Variants in MAPKAP1 observed in about 807,000 individuals in gnomAD.
The protein encoded by MAPKAP1 is target of rapamycin complex 2 subunit MAPKAP1.
In MAPKAP1, 20 loss-of-function variants were observed where a neutral mutation model predicts 65.7. The ratio of observed to expected loss-of-function variants is 0.30; its 90% CI spans 0.21 to 0.44. The LOEUF (loss-of-function observed/expected upper bound fraction) is 0.44. Among genes scored for constraint, MAPKAP1 ranks in the 20% least tolerant of loss-of-function variants. MAPKAP1 has a pLI of 1.00. For missense variants in MAPKAP1, 423 were observed against 648.0 expected, an observed-to-expected ratio of 0.65 and a Z score of 3.77; for synonymous variants, 222 against 244.3, an observed-to-expected ratio of 0.91 and a Z score of 0.85.
rs1266178238 is a variant in MAPKAP1, at chr9:125,621,967, C to T, written c.498+35684G>A. Among the ~76,000 whole-genome samples, 3 of 152,256 alleles carry T rather than the reference C, an allele frequency of 2.0e-5. No homozygotes were observed. In the East Asian group the frequency reaches 5.8e-4, roughly 29 times the overall value. The stretch of plus-strand genomic sequence containing the variant: ...TATTGTCATATAAAAGAATGGAAGC[C>T]TGTCATCATCACTGGCAACATGGAT... On this transcript the variant is annotated intron_variant, in intron 4 of 11. Transcript: ENST00000265960.
chr9:125,576,131 A>C (rs1231824568), intron 5 of MAPKAP1, among the ~76,000 whole-genome samples: 1 of 152,232 alleles, frequency 6.6e-6, no homozygotes, highest in Non-Finnish European at 1.5e-5. Flanking sequence ...GTAAAATGCA[A>C]TACTACAGAG....
intron 5 of MAPKAP1, among the ~76,000 whole-genome samples, chr9:125,582,876 G>A (rs1831666668): frequency 6.6e-6 from 1 of 152,172 alleles, no homozygotes; most frequent in South Asian, 2.1e-4. Flanking sequence ...CAGCTAGATG[G>A]ATGAGACTGT....
At chr9:125,466,235 T>A (rs1209341572) in intron 10 of MAPKAP1, among the ~76,000 whole-genome samples, 1 of 152,158 alleles carries the variant, frequency 6.6e-6, no homozygotes, top group African/African-American at 2.4e-5. Flanking sequence ...AGAGTTCCTT[T>A]GGTTCAAGGG....
At chr9:125,550,685 C>T (rs1830559220) in intron 6 of MAPKAP1, among the ~76,000 whole-genome samples, 1 of 152,168 alleles carries the variant, frequency 6.6e-6, no homozygotes, top group Non-Finnish European at 1.5e-5. Context: ...CCTTTCTTTT[C>T]TCTAGACAGT....
At chr9:125,649,395 T>G (rs1833826348) in intron 4 of MAPKAP1, among the ~76,000 whole-genome samples, 1 of 152,252 alleles carries the variant, frequency 6.6e-6, no homozygotes, top group Non-Finnish European at 1.5e-5. Context: ...ACCTGGCATC[T>G]GCCTCATTTA....
chr9:125,544,572 G>C (rs936875052), intron 6 of MAPKAP1, among the ~76,000 whole-genome samples: 1 of 152,138 alleles, frequency 6.6e-6, no homozygotes, highest in Admixed American at 6.5e-5. Flanking sequence ...GCAATAGCAA[G>C]TATCACAAAT....
intron 4 of MAPKAP1, among the ~76,000 whole-genome samples, chr9:125,644,068 G>A (rs1833654983): frequency 6.6e-6 from 1 of 152,174 alleles, no homozygotes; most frequent in Non-Finnish European, 1.5e-5. Context: ...GAATATTCAG[G>A]AAGCATTCAG....
chr9:125,695,676 A>T (rs1265840244), intron 1 of MAPKAP1, among the ~76,000 whole-genome samples: 11 of 152,146 alleles, frequency 7.2e-5, no homozygotes, highest in Non-Finnish European at 1.6e-4. Context: ...ATTTGAAAAA[A>T]ACAAACCTAA....
chr9:125,482,071 G>A (rs1345546803), intron 9 of MAPKAP1, among the ~76,000 whole-genome samples: 1 of 149,386 alleles, frequency 6.7e-6, no homozygotes, highest in African/African-American at 2.5e-5. Context: ...GGCAGGGGCT[G>A]CAGTGAGCCG....
intron 4 of MAPKAP1, among the ~76,000 whole-genome samples, chr9:125,644,733 T>C (rs1006719429): frequency 6.6e-6 from 1 of 152,232 alleles, no homozygotes; most frequent in African/African-American, 2.4e-5. Flanking sequence ...TTTAATTTAA[T>C]GCTGAACGCT....
intron 4 of MAPKAP1, among the ~76,000 whole-genome samples, chr9:125,630,524 A>T (rs1376474259): frequency 6.6e-6 from 1 of 152,128 alleles, no homozygotes; most frequent in African/African-American, 2.4e-5. Flanking sequence ...TGGCCTTCAC[A>T]TATTGTATGG....
chr9:125,466,885 C>A (rs2132987725), intron 10 of MAPKAP1, among the ~76,000 whole-genome samples: 1 of 152,348 alleles, frequency 6.6e-6, no homozygotes, highest in South Asian at 2.1e-4. Flanking sequence ...GTGGCATGTG[C>A]CCAGTCTATC....
intron 7 of MAPKAP1, among the ~76,000 whole-genome samples, chr9:125,542,353 A>G (rs1441089511): frequency 1.3e-5 from 2 of 152,248 alleles, no homozygotes; most frequent in Admixed American, 6.5e-5. Flanking sequence ...AAAGGTGTTT[A>G]AGAAGTCTCT....
intron 1 of MAPKAP1, among the ~76,000 whole-genome samples, chr9:125,685,651 G>A (rs1834952883): frequency 6.6e-6 from 1 of 152,170 alleles, no homozygotes; most frequent in African/African-American, 2.4e-5. Context: ...AATCACATTG[G>A]CATTTCTTTT....
In MAPKAP1 at chr9:125,624,389, G is replaced by T. The variant is rs1428052813; in HGVS notation, c.498+33262C>A. ...GCCCCATCCGGGAGGGAGGTGGGGG[G>T]GTCGGCCCCCATCCCGGCCAGCCGC... is the stretch of plus-strand genomic sequence containing the variant. On this transcript the variant is annotated intron_variant, in intron 4 of 11. Transcript: ENST00000265960. 9.3e-5 allele frequency among the ~76,000 whole-genome samples: 8 copies of T among 85,606 alleles called. 1 individual carries two copies. Among genetic ancestry groups the T allele is most frequent in the Non-Finnish European group, 1.6e-4 (6 of 38,494 alleles). The allele number at this position is 85,606 out of a possible 152,430, so 56.2% of individuals were successfully genotyped here.
chr9:125,559,725 C>T lies in MAPKAP1; in HGVS notation c.756G>A (p.Glu252=). The change falls in exon 6 of 12, where the codon GAG becomes GAA. Residue 252 remains glutamate, a synonymous_variant. Coordinates refer to ENST00000265960, the MANE Select transcript of MAPKAP1 (RefSeq NM_001006617.3). ...DTDFPPLDSN[E]PIHKFGFSTL... ...TACTGAAGCCAAACTTATGAATGGG[C>T]TCATTGGAATCCAGCGGGGGGAAAT... 1 of 1,613,912 alleles carries T rather than the reference C, an allele frequency of 6.2e-7. No homozygotes were observed. The highest frequency in any genetic ancestry group is 8.5e-7 in the Non-Finnish European group (1 of 1,179,878).
At chr9:125,599,652 G>A (rs1386087296) in intron 4 of MAPKAP1, among the ~76,000 whole-genome samples, 1 of 149,708 alleles carries the variant, frequency 6.7e-6, no homozygotes, top group African/African-American at 2.5e-5. Flanking sequence ...TGCCCAGGCT[G>A]GAGTGCAATG....
At position 125,631,218 on chromosome 9, in the gene MAPKAP1, C is replaced by A. The variant is rs188450950; in HGVS notation, c.498+26433G>T. 5.3e-5 allele frequency among the ~76,000 whole-genome samples: 8 copies of A among 152,308 alleles called. No individual in the cohort carries two copies. In the East Asian group the frequency reaches 1.3e-3, roughly 26 times the overall value. On this transcript the variant is annotated intron_variant, in intron 4 of 11. Coordinates refer to ENST00000265960, the MANE Select transcript of MAPKAP1 (RefSeq NM_001006617.3). ...GAGTAAAAGCAGCCTGAGGCCCTCA[C>A]CAGGTGCAGATGCCCAATCTCGAAC...
In MAPKAP1 at chr9:125,707,206, G is replaced by T; in HGVS notation, c.-305C>A. 2.5e-6 allele frequency: 1 copy of T among 397,164 alleles called. No homozygotes were observed. Among genetic ancestry groups the T allele is most frequent in the South Asian group, 1.3e-4 (1 of 7,778 alleles). The allele number at this position is 397,164 out of a possible 1,614,324, so 24.6% of individuals were successfully genotyped here. On this transcript the variant is annotated 5_prime_UTR_variant, in exon 1 of 12. Transcript: ENST00000265960. Reference sequence around the variant, plus strand: ...AGCCCTATTACCCCGAGCCGCACACGACCCGGAACCACACCCCGGCGTTCC... The same window carrying T: ...AGCCCTATTACCCCGAGCCGCACACTACCCGGAACCACACCCCGGCGTTCC...
Sources: allele counts gnomAD v4.1 joint callset (sites outside exome capture counted in the v4.1 genomes callset), GRCh38; gene constraint gnomAD v4.1.1; transcripts MANE v1.5; gene names NCBI Gene and HGNC (gene_info 2026-07-23, HGNC 2026-07-21).